The following CYB5R4 variants were observed in gnomAD, a reference collection of about 807,000 sequenced individuals.
The protein encoded by CYB5R4 is N-terminal cytochrome b5 and cytochrome b5 oxidoreductase domain-containing protein.
In CYB5R4, 55 loss-of-function variants were observed where a neutral mutation model predicts 70.2. That is an observed-to-expected ratio of 0.78 (90% CI 0.63 to 0.98). The LOEUF is 0.98. Among genes scored for constraint, CYB5R4 ranks in the 50% least tolerant of loss-of-function variants. The probability of loss-of-function intolerance (pLI) is 0.00; values close to 1 mark genes in which losing one functional copy is unlikely to be tolerated. For synonymous variants in CYB5R4, 197 were observed against 199.5 expected (o/e 0.99, Z 0.11); for missense variants, 562 against 612.6 (o/e 0.92, Z 0.87).
chr6:83,898,490 G>T (rs1268616267), intron 3 of CYB5R4, among the ~76,000 whole-genome samples: 3 of 151,980 alleles, frequency 2.0e-5, no homozygotes, highest in African/African-American at 7.3e-5. Flanking sequence ...GTTTTTTCCA[G>T]TTCTGTGAAG....
intron 15 of CYB5R4, 69 bp downstream of exon 15, chr6:83,955,531 C>G (rs953129295): frequency 1.4e-6 from 2 of 1,396,756 alleles, no homozygotes; most frequent in Admixed American, 4.2e-5. Flanking sequence ...ACAAGCATCT[C>G]TCAGTTCTTC....
chr6:83,863,738 T>A (rs2099456314), intron 1 of CYB5R4, among the ~76,000 whole-genome samples: 1 of 152,002 alleles, frequency 6.6e-6, no homozygotes, highest in East Asian at 1.9e-4. Context: ...AATACAACAA[T>A]AAAAAAATAA....
intron 11 of CYB5R4, 46 bp downstream of exon 11, chr6:83,934,781 C>T: frequency 3.2e-6 from 5 of 1,542,032 alleles, no homozygotes; most frequent in Non-Finnish European, 4.4e-6. Context: ...CTTTTATAAG[C>T]AGTTCAAAAT....
At chr6:83,948,090 A>G (rs142844650) in intron 14 of CYB5R4, among the ~76,000 whole-genome samples, 2,157 of 152,300 alleles carry the variant, frequency 0.014, 49 homozygotes, top group African/African-American at 0.049. Context: ...TTGCAGCACT[A>G]TTCACAATAG....
rs537727563 is a variant in CYB5R4, at chr6:83,896,911, CT to C, written c.330+3300del. ...AACAACAGTGTGTGAGTTCCATTTT[CT>C]TTTTTTTTTTATTATACTTTAAGTT... On this transcript the variant is annotated intron_variant, in intron 3 of 15. Transcript: ENST00000369681. Among the ~76,000 whole-genome samples the C allele has an allele frequency of 4.3e-3, 617 of 144,740 alleles. 2 individuals are homozygous for C. Among genetic ancestry groups the C allele is most frequent in the African/African-American group, 0.013 (523 of 39,686 alleles). 95.0% of individuals were successfully genotyped at this position (144,740 alleles called of 152,430 possible).
chr6:83,907,320 AC>A (rs1332973745), intron 3 of CYB5R4, among the ~76,000 whole-genome samples: 2 of 152,184 alleles, frequency 1.3e-5, no homozygotes, highest in African/African-American at 4.8e-5. Context: ...TATAATTTCC[AC>A]CAGTGGCATC....
intron 4 of CYB5R4, 129 bp from the exon 5 acceptor site, chr6:83,914,287 C>T: frequency 1.0e-6 from 1 of 985,498 alleles, no homozygotes; most frequent in Non-Finnish European, 1.4e-6. Context: ...GCCTGTTTCT[C>T]TCCTCAGGCC....
At chr6:83,938,871 G>A (rs1005623911) in intron 12 of CYB5R4, among the ~76,000 whole-genome samples, 10 of 148,806 alleles carry the variant, frequency 6.7e-5, no homozygotes, top group Admixed American at 4.0e-4. Flanking sequence ...TGCTCTTGTT[G>A]CCCAGGCTGG....
chr6:83,923,987 G>A (rs1332079775), intron 9 of CYB5R4, among the ~76,000 whole-genome samples: 4 of 147,640 alleles, frequency 2.7e-5, no homozygotes, highest in Admixed American at 1.4e-4. Context: ...GGAGAATGGC[G>A]TGAACCCGGG....
chr6:83,943,741 A>G (rs930318051), intron 14 of CYB5R4, among the ~76,000 whole-genome samples: 2 of 152,118 alleles, frequency 1.3e-5, no homozygotes, highest in African/African-American at 4.8e-5. Flanking sequence ...TCTAACTAGA[A>G]TAACCAGTTT....
chr6:83,941,524 C>T (rs962889128), intron 14 of CYB5R4, among the ~76,000 whole-genome samples: 1 of 152,058 alleles, frequency 6.6e-6, no homozygotes, highest in African/African-American at 2.4e-5. Flanking sequence ...GAGTAAAGCC[C>T]TTAGAACTTT....
rs745873597 is a variant in CYB5R4, at chr6:83,955,476, T to A, written c.1511+14T>A. ...ACAAGGAGTAAGGTGAGTAACAGTG[T>A]AGTAGGAAACAGACTGCCCAACACT... On this transcript the variant is annotated intron_variant, in intron 15 of 15. Coordinates refer to ENST00000369681, the MANE Select transcript of CYB5R4 (RefSeq NM_016230.4). The A allele has an allele frequency of 6.2e-7, 1 of 1,608,890 alleles. No homozygotes were observed. The highest frequency in any genetic ancestry group is 1.3e-5 in the African/African-American group (1 of 74,806).
At chr6:83,932,394 C>T (rs1274383226) in intron 10 of CYB5R4, among the ~76,000 whole-genome samples, 1 of 152,184 alleles carries the variant, frequency 6.6e-6, no homozygotes, top group East Asian at 1.9e-4. Context: ...CTATAGCAAA[C>T]TTTTCTAGCA....
intron 2 of CYB5R4, among the ~76,000 whole-genome samples, chr6:83,870,375 A>T (rs1323343504): frequency 4.6e-5 from 7 of 151,858 alleles, no homozygotes; most frequent in Middle Eastern, 6.4e-3. Flanking sequence ...TTCAGTAATG[A>T]TAACGAAAGC....
chr6:83,947,905 C>T (rs1471740439), intron 14 of CYB5R4, among the ~76,000 whole-genome samples: 2 of 152,178 alleles, frequency 1.3e-5, no homozygotes, highest in Non-Finnish European at 2.9e-5. Context: ...AATAGGAACA[C>T]TTTTACACTG....
intron 14 of CYB5R4, among the ~76,000 whole-genome samples, chr6:83,955,059 T>A (rs1362647099): frequency 1.3e-5 from 2 of 150,900 alleles, no homozygotes; most frequent in African/African-American, 4.9e-5. Flanking sequence ...TAGTTCAATT[T>A]AAAAAAAAAT....
chr6:83,871,298 T>A (rs1357839041), intron 2 of CYB5R4, among the ~76,000 whole-genome samples: 1 of 152,122 alleles, frequency 6.6e-6, no homozygotes, highest in Non-Finnish European at 1.5e-5. Context: ...AATTCTAACC[T>A]AACCCATAGA....
At chr6:83,940,298 A>G in intron 13 of CYB5R4, 92 bp downstream of exon 13, 2 of 1,231,226 alleles carry the variant, frequency 1.6e-6, no homozygotes, top group African/African-American at 1.6e-5. Context: ...ACCTTAATAG[A>G]CATGTTACCA....
At chr6:83,915,334 T>G (rs917385244) in intron 5 of CYB5R4, among the ~76,000 whole-genome samples, 1 of 152,244 alleles carries the variant, frequency 6.6e-6, no homozygotes, top group African/African-American at 2.4e-5. Context: ...GATTGCCAGA[T>G]GAGTTACCTT....
Sources: gnomAD v4.1 joint callset for allele counts (sites outside exome capture counted in the v4.1 genomes callset) on GRCh38, gnomAD v4.1.1 for gene constraint, MANE v1.5 for transcripts, NCBI Gene and HGNC (gene_info 2026-07-23, HGNC 2026-07-21) for gene names.